COLGALT2: variants seen among roughly 807,000 people sequenced by gnomAD.
COLGALT2 encodes collagen beta(1-O)galactosyltransferase 2, also known as procollagen galactosyltransferase 2.
Under a neutral mutation model 73.4 loss-of-function variants are expected in COLGALT2, and 49 were observed. The observed-to-expected ratio is 0.67, with a 90% CI of 0.53 to 0.85. COLGALT2 has a LOEUF of 0.85. Among genes scored for constraint, COLGALT2 ranks in the 40% least tolerant of loss-of-function variants. The probability of loss-of-function intolerance (pLI) is 0.00; values close to 1 mark genes in which losing one functional copy is unlikely to be tolerated. For missense variants in COLGALT2, 722 were observed against 790.2 expected, an observed-to-expected ratio of 0.91 and a Z score of 1.03; for synonymous variants, 295 against 307.6, an observed-to-expected ratio of 0.96 and a Z score of 0.43.
intron 1 of COLGALT2, among the ~76,000 whole-genome samples, chr1:184,011,678 T>C (rs998758456): frequency 7.9e-5 from 12 of 152,338 alleles, no homozygotes; most frequent in South Asian, 4.1e-4. Context: ...ACTCTTCCTT[T>C]GCTCTCAATG....
intron 6 of COLGALT2, among the ~76,000 whole-genome samples, chr1:183,960,828 T>A (rs1036281024): frequency 6.6e-6 from 1 of 152,186 alleles, no homozygotes; most frequent in Non-Finnish European, 1.5e-5. Flanking sequence ...CCCAAGACAA[T>A]CTTTCTTCTT....
At chr1:183,992,633 A>G (rs1239115910) in intron 1 of COLGALT2, among the ~76,000 whole-genome samples, 1 of 152,220 alleles carries the variant, frequency 6.6e-6, no homozygotes, top group African/African-American at 2.4e-5. Context: ...CTGGTCTCTG[A>G]CAGATAGGTT....
downstream of COLGALT2, chr1:183,935,758 G>A: frequency 1.4e-6 from 1 of 710,116 alleles, no homozygotes; most frequent in Non-Finnish European, 1.7e-6. Flanking sequence ...TGACATCCTT[G>A]GTCAAGGGCA....
At chr1:183,960,634 G>A (rs907030275) in intron 6 of COLGALT2, among the ~76,000 whole-genome samples, 12 of 152,192 alleles carry the variant, frequency 7.9e-5, no homozygotes, top group African/African-American at 2.9e-4. Flanking sequence ...GTTTGCTCAT[G>A]AACAAAATGC....
intron 1 of COLGALT2, among the ~76,000 whole-genome samples, chr1:184,030,682 C>T (rs146932514): frequency 3.2e-3 from 481 of 152,298 alleles, no homozygotes; most frequent in Middle Eastern, 6.8e-3. Flanking sequence ...CTAAGAAGCA[C>T]ATGCTTATGT....
chr1:184,012,184 A>G (rs1415281936), intron 1 of COLGALT2, among the ~76,000 whole-genome samples: 1 of 152,228 alleles, frequency 6.6e-6, no homozygotes, highest in Non-Finnish European at 1.5e-5. Flanking sequence ...TAGGATGATG[A>G]GTAAAAATGA....
At chr1:183,989,233 AG>A (rs1671568439) in intron 1 of COLGALT2, among the ~76,000 whole-genome samples, 1 of 152,206 alleles carries the variant, frequency 6.6e-6, no homozygotes, top group Non-Finnish European at 1.5e-5. Context: ...GTTGCAAGGA[AG>A]TGAGAAGTGT....
intron 1 of COLGALT2, among the ~76,000 whole-genome samples, chr1:184,011,248 G>A (rs567438065): frequency 7.2e-5 from 11 of 152,268 alleles, no homozygotes; most frequent in African/African-American, 9.6e-5. Context: ...ATGCTAGCTC[G>A]CAGGTGCCAG....
intron 7 of COLGALT2, among the ~76,000 whole-genome samples, chr1:183,954,208 A>G (rs941001425): frequency 1.4e-4 from 21 of 152,226 alleles, no homozygotes; most frequent in Non-Finnish European, 3.1e-4. Context: ...TTAATAATAA[A>G]TACTACCCTT....
intron 11 of COLGALT2, among the ~76,000 whole-genome samples, chr1:183,939,869 G>GTAGC (rs2102786711): frequency 6.6e-6 from 1 of 152,360 alleles, no homozygotes; most frequent in South Asian, 2.1e-4. Flanking sequence ...GCTGTTATGT[G>GTAGC]TAGCATTTGG....
In COLGALT2 at chr1:183,975,335, T is replaced by C. The variant is rs1671160965; in HGVS notation, c.375-121A>G. 4.9e-6 allele frequency: 3 copies of C among 610,086 alleles called. No individual in the cohort carries two copies. In the African/African-American group the frequency reaches 5.5e-5, roughly 11 times the overall value. The allele number at this position is 610,086 out of a possible 1,614,324, so 37.8% of individuals were successfully genotyped here. A position where few individuals can be genotyped will look rare whatever the true frequency, so the allele number is the denominator to read the frequency against. ...CCCAGGAAGTAGATACTATTATTATTGTTATCATCATCCCCATATTACAGA... is the reference window on the plus strand; with the variant it reads ...CCCAGGAAGTAGATACTATTATTATCGTTATCATCATCCCCATATTACAGA... On this transcript the variant is annotated intron_variant, in intron 2 of 11. Transcript: ENST00000361927.
In COLGALT2 at chr1:183,938,628, C is replaced by T; in HGVS notation, c.*133G>A. Reference sequence around the variant, plus strand: ...AATATGTTAATTTCGATCTATCACACTAGATCACTTTGGTTAGATGACTGT... The same window carrying T: ...AATATGTTAATTTCGATCTATCACATTAGATCACTTTGGTTAGATGACTGT... On this transcript the variant is annotated 3_prime_UTR_variant, in exon 12 of 12. Transcript: ENST00000361927. 1.4e-6 allele frequency: 2 copies of T among 1,457,480 alleles called. No homozygotes were observed. Among genetic ancestry groups the T allele is most frequent in the East Asian group, 4.9e-5 (2 of 40,946 alleles). The allele number at this position is 1,457,480 out of a possible 1,614,324, so 90.3% of individuals were successfully genotyped here.
chr1:183,959,085 A>G (rs758065630), intron 6 of COLGALT2, among the ~76,000 whole-genome samples: 2 of 152,106 alleles, frequency 1.3e-5, no homozygotes, highest in African/African-American at 4.8e-5. Context: ...GACAGAACCA[A>G]TGACCAATTC....
intron 1 of COLGALT2, among the ~76,000 whole-genome samples, chr1:184,010,484 G>T (rs563683253): frequency 6.6e-6 from 1 of 152,260 alleles, no homozygotes; most frequent in East Asian, 1.9e-4. Flanking sequence ...GGCACAGAGG[G>T]GCAAGGAGCT....
At chr1:183,970,516 C>T (rs1671008403) in intron 4 of COLGALT2, among the ~76,000 whole-genome samples, 1 of 152,204 alleles carries the variant, frequency 6.6e-6, no homozygotes, top group African/African-American at 2.4e-5. Context: ...ACTTCTCTGA[C>T]ATTCCCTTCA....
intron 8 of COLGALT2, among the ~76,000 whole-genome samples, chr1:183,947,296 C>G (rs1360968127): frequency 1.3e-5 from 2 of 152,180 alleles, no homozygotes; most frequent in Non-Finnish European, 2.9e-5. Flanking sequence ...CAAATACACA[C>G]TTTCAAGTGT....
At chr1:183,986,634 CATATT>C (rs1468529379) in intron 1 of COLGALT2, among the ~76,000 whole-genome samples, 1 of 152,040 alleles carries the variant, frequency 6.6e-6, no homozygotes, top group East Asian at 1.9e-4. Flanking sequence ...CTTAATTAAA[CATATT>C]ATAATTGAGC....
At chr1:183,991,166 T>C (rs542750729) in intron 1 of COLGALT2, among the ~76,000 whole-genome samples, 2 of 152,350 alleles carry the variant, frequency 1.3e-5, no homozygotes, top group South Asian at 4.1e-4. Flanking sequence ...TCCCAGATCA[T>C]GTGTCCAAAG....
chr1:184,036,147 C>T (rs1466837537), intron 1 of COLGALT2, among the ~76,000 whole-genome samples: 1 of 152,188 alleles, frequency 6.6e-6, no homozygotes, highest in Non-Finnish European at 1.5e-5. Context: ...TACCTGACAG[C>T]ACATCTCCCC....
Sources: allele counts gnomAD v4.1 joint callset (sites outside exome capture counted in the v4.1 genomes callset), GRCh38; gene constraint gnomAD v4.1.1; transcripts MANE v1.5; gene names NCBI Gene and HGNC (gene_info 2026-07-23, HGNC 2026-07-21).